Variants in ENO4 observed in about 807,000 individuals in gnomAD.
ENO4 encodes the protein 2-phospho-D-glycerate hydro-lyase.
ENO4 carries 53 observed loss-of-function variants against 63.2 expected under a neutral mutation model. The ratio of observed to expected loss-of-function variants is 0.84; its 90% confidence interval spans 0.67 to 1.05. ENO4 has a LOEUF of 1.05. Ranked by LOEUF, ENO4 falls within the 50% of genes least tolerant of loss-of-function variation. The pLI, the probability that ENO4 is intolerant of heterozygous loss-of-function variation, is 0.00. For synonymous variants in ENO4, 266 were observed against 283.8 expected, an observed-to-expected ratio of 0.94 and a Z score of 0.63; for missense variants, 719 against 772.0, an observed-to-expected ratio of 0.93 and a Z score of 0.81.
At chr10:116,892,379 T>A (rs1036572380) in intron 10 of ENO4, among the ~76,000 whole-genome samples, 2 of 152,210 alleles carry the variant, frequency 1.3e-5, no homozygotes, top group Non-Finnish European at 2.9e-5. Flanking sequence ...GATTCTGAAA[T>A]GTGGGTGATC....
rs929922744 is a variant in ENO4, at chr10:116,882,558, C to T, written c.*889C>T. 5.3e-5 allele frequency: 8 copies of T among 152,060 alleles called. No homozygotes were observed. The highest frequency in any genetic ancestry group is 1.4e-4 in the African/African-American group (6 of 41,394). The allele number at this position is 152,060 out of a possible 1,614,324, so 9.4% of individuals were successfully genotyped here. A position where few individuals can be genotyped will look rare whatever the true frequency, so the allele number is the denominator to read the frequency against. On this transcript the variant is annotated 3_prime_UTR_variant, in exon 14 of 14. Coordinates refer to ENST00000341276, the MANE Select transcript of ENO4 (RefSeq NM_001242699.2). ...AACCACTTTATATGATTTAGGGTCT[C>T]GTTAAAATGGTTACCATTTGCTTCT...
chr10:116,881,402 T>C (rs1847004100), intron 13 of ENO4, 113 bp from the exon 14 acceptor site: 1 of 757,188 alleles, frequency 1.3e-6, no homozygotes, highest in Non-Finnish European at 2.1e-6. Flanking sequence ...TCCTTTCCGA[T>C]GGTGATGTGA....
chr10:116,893,427 A>C (rs186596004), intron 10 of ENO4, among the ~76,000 whole-genome samples: 78 of 152,272 alleles, frequency 5.1e-4, no homozygotes, highest in Non-Finnish European at 1.0e-3. Context: ...TTGAGAGCAG[A>C]GCAAATCCTT....
In ENO4 at chr10:116,879,877, G is replaced by C; in HGVS notation, c.1614G>C (p.Gly538=). 6.5e-7 allele frequency: 1 copy of C among 1,550,006 alleles called. No homozygotes were observed. Among genetic ancestry groups the C allele is most frequent in the South Asian group, 1.2e-5 (1 of 83,844 alleles). Residue 538 remains glycine, a synonymous_variant, in exon 13 of 14, where the codon GGG becomes GGC. Coordinates refer to ENST00000341276, the MANE Select transcript of ENO4 (RefSeq NM_001242699.2). ...TTTTTCCCCCCTTTCAGGCTGTTGG[G>C]CTTGGTGTCCGGTTCATCAAGTTGG... The part of the protein sequence containing the change: ...SDDSLVDLAV[G]LGVRFIKLGG...
chr10:116,899,652 C>T (rs890729327), intron 10 of ENO4, among the ~76,000 whole-genome samples: 1 of 152,118 alleles, frequency 6.6e-6, no homozygotes, highest in African/African-American at 2.4e-5. Flanking sequence ...GCCAATAGCG[C>T]CACTCACGTG....
At chr10:116,864,704 T>G (rs1846506986) in intron 7 of ENO4, among the ~76,000 whole-genome samples, 1 of 152,008 alleles carries the variant, frequency 6.6e-6, no homozygotes. Context: ...GAGTGTGGCC[T>G]TCCAGCCTTT....
intron 9 of ENO4, among the ~76,000 whole-genome samples, chr10:116,872,415 G>T (rs1010996659): frequency 6.6e-6 from 1 of 151,990 alleles, no homozygotes; most frequent in African/African-American, 2.4e-5. Flanking sequence ...CTGAATCATG[G>T]TGGCGGGTCT....
downstream of ENO4, chr10:116,885,142 C>G (rs953147696): frequency 1.3e-5 from 2 of 152,650 alleles, no homozygotes; most frequent in African/African-American, 4.8e-5. Flanking sequence ...AATACAACTA[C>G]TGCAATTATT....
chr10:116,897,814 C>T (rs1847574972), intron 10 of ENO4, among the ~76,000 whole-genome samples: 1 of 152,212 alleles, frequency 6.6e-6, no homozygotes, highest in South Asian at 2.1e-4. Context: ...GAGTTCAAGT[C>T]TTGGAAATAA....
intron 6 of ENO4, 29 bp downstream of exon 6, chr10:116,861,219 TCTAA>T: frequency 1.4e-6 from 1 of 737,194 alleles, no homozygotes; most frequent in Non-Finnish European, 1.8e-6. Context: ...AATTACCTTT[TCTAA>T]AAAAAAAAAA....
Position 116,879,851 on chromosome 10 carries a change from T to C in ENO4, c.1606-18T>C, listed in dbSNP as rs1196474540. The stretch of plus-strand genomic sequence containing the variant: ...ACATGGCTCCTCCGTCTAAAATTAG[T>C]TTTTTCCCCCCTTTCAGGCTGTTGG... On this transcript the variant is annotated intron_variant, in intron 12 of 13. Transcript: ENST00000341276. 2 of 1,542,750 alleles carry C rather than the reference T, an allele frequency of 1.3e-6. No homozygotes were observed. The highest frequency in any genetic ancestry group is 1.8e-6 in the Non-Finnish European group (2 of 1,142,392).
chr10:116,898,868 A>G, intron 10 of ENO4, among the ~76,000 whole-genome samples: 1 of 152,206 alleles, frequency 6.6e-6, no homozygotes, highest in South Asian at 2.1e-4. Flanking sequence ...ATAAGTCCCT[A>G]GGAAATAAAT....
rs572450632 is a variant in ENO4 at position 116,852,144 on chromosome 10, C to T, written c.165+2413C>T. 8.8e-4 allele frequency among the ~76,000 whole-genome samples: 134 copies of T among 152,294 alleles called. 2 individuals carry two copies. The South Asian group carries it at 0.027, about 30-fold the overall frequency. ...TAAGGGGCTTCCCCGCTTCACTTTGCACTTCTCCTTCCCGCCCTCATGTGA... is the reference window on the plus strand; with the variant it reads ...TAAGGGGCTTCCCCGCTTCACTTTGTACTTCTCCTTCCCGCCCTCATGTGA... On this transcript the variant is annotated intron_variant, in intron 1 of 13. Transcript: ENST00000341276.
intron 10 of ENO4, among the ~76,000 whole-genome samples, chr10:116,906,387 C>T (rs1314418177): frequency 6.6e-6 from 1 of 152,140 alleles, no homozygotes; most frequent in Admixed American, 6.5e-5. Flanking sequence ...TTGCATTAAA[C>T]AAATCAGATC....
At position 116,860,960 on chromosome 10, in the gene ENO4, T is replaced by C; in HGVS notation, c.801T>C (p.Asn267=). The stretch of plus-strand genomic sequence containing the variant: ...TAAATATCGCTCTACTGAAGCACAA[T>C]CAGGTTAGTATCTATGAAGTTCCAT... ...LYLNIALLKH[N]QEQPTTLSMP... Residue 267 remains asparagine (N), a synonymous_variant, in exon 5 of 14, where the codon AAT becomes AAC. Transcript: ENST00000341276. The C allele has an allele frequency of 6.5e-7, 1 of 1,538,966 alleles. No homozygotes were observed. Among genetic ancestry groups the C allele is most frequent in the Non-Finnish European group, 8.8e-7 (1 of 1,138,522 alleles).
chr10:116,905,560 G>A (rs1328772787), intron 10 of ENO4, among the ~76,000 whole-genome samples: 1 of 151,996 alleles, frequency 6.6e-6, no homozygotes, highest in Non-Finnish European at 1.5e-5. Context: ...GCCACTTTGG[G>A]TTCAAGGAAT....
chr10:116,900,433 T>C, intron 10 of ENO4: 1 of 1,076,936 alleles, frequency 9.3e-7, no homozygotes, highest in Non-Finnish European at 1.4e-6. Flanking sequence ...ACCTTGGGCC[T>C]GCAATTATTT....
At chr10:116,859,340 T>A (rs2133253112) in intron 4 of ENO4, among the ~76,000 whole-genome samples, 1 of 152,318 alleles carries the variant, frequency 6.6e-6, no homozygotes, top group Admixed American at 6.5e-5. Context: ...ATAAAACAGT[T>A]TCTCACCCAG....
chr10:116,859,286 C>T (rs1334437554), intron 4 of ENO4, 148 bp downstream of exon 4: 3 of 895,836 alleles, frequency 3.3e-6, no homozygotes, highest in Non-Finnish European at 4.6e-6. Flanking sequence ...CACATCCTCA[C>T]TCAAAGATTT....
Sources: gnomAD v4.1 joint callset for allele counts (sites outside exome capture counted in the v4.1 genomes callset) on GRCh38, gnomAD v4.1.1 for gene constraint, MANE v1.5 for transcripts, NCBI Gene and HGNC (gene_info 2026-07-23, HGNC 2026-07-21) for gene names.